Variants in DDX10 observed in about 807,000 individuals in gnomAD.
DDX10 encodes probable ATP-dependent RNA helicase DDX10.
A neutral mutation model predicts 104.3 loss-of-function variants in DDX10; 74 were observed. The observed-to-expected ratio is 0.71, with a 90% CI of 0.59 to 0.86. The LOEUF (loss-of-function observed/expected upper bound fraction) is 0.86. Among genes scored for constraint, DDX10 ranks in the 40% least tolerant of loss-of-function variants. The pLI is 0.00. For missense variants in DDX10, 952 were observed against 1,040.0 expected (o/e 0.92, Z 1.16); for synonymous variants, 351 against 353.4 (o/e 0.99, Z 0.08).
intron 13 of DDX10, among the ~76,000 whole-genome samples, chr11:108,745,041 TCCC>T: frequency 8.0e-5 from 2 of 25,156 alleles, no homozygotes; most frequent in Admixed American, 1.0e-3. Context: ...ACTTTTTCCT[TCCC>T]CCTTCCCCCT....
chr11:108,922,243 C>CAAAAAAAAAAAAAAAAAAAAA (rs3030537), intron 17 of DDX10: 17 of 79,324 alleles, frequency 2.1e-4, no homozygotes, highest in East Asian at 3.3e-4. Flanking sequence ...GACTCCATCT[C>CAAAAAAAAAAAAAAAAAAAAA]AAAAAAAAAA....
chr11:108,917,267 G>A (rs948585380), intron 16 of DDX10, among the ~76,000 whole-genome samples: 3 of 151,496 alleles, frequency 2.0e-5, no homozygotes, highest in African/African-American at 7.3e-5. Context: ...ACACTTTTGT[G>A]GTCATAAAAT....
At chr11:108,751,910 G>T (rs1007682166) in intron 13 of DDX10, among the ~76,000 whole-genome samples, 10 of 151,896 alleles carry the variant, frequency 6.6e-5, no homozygotes, top group Non-Finnish European at 1.5e-4. Context: ...CTTTAAAGAG[G>T]TTAAGAAACC....
intron 16 of DDX10, among the ~76,000 whole-genome samples, chr11:108,887,288 T>G (rs933475997): frequency 6.7e-6 from 1 of 150,290 alleles, no homozygotes; most frequent in African/African-American, 2.5e-5. Context: ...AGAATAGAGA[T>G]AATTAATTGA....
intron 7 of DDX10, chr11:108,690,711 A>G (rs1467659795): frequency 1.1e-5 from 2 of 186,868 alleles, no homozygotes; most frequent in East Asian, 3.3e-4. Flanking sequence ...TTCTTGAGAG[A>G]TGCCCCCAGG....
At chr11:108,847,999 C>A (rs915014057) in intron 15 of DDX10, among the ~76,000 whole-genome samples, 3 of 152,064 alleles carry the variant, frequency 2.0e-5, no homozygotes, top group African/African-American at 7.2e-5. Flanking sequence ...CTATTTCAAG[C>A]CATCAGACGT....
chr11:108,775,973 A>G (rs1387334441), intron 13 of DDX10, among the ~76,000 whole-genome samples: 1 of 152,192 alleles, frequency 6.6e-6, no homozygotes, highest in African/African-American at 2.4e-5. Flanking sequence ...TGTTGGACGT[A>G]TCAGTAGGTA....
chr11:108,770,836 T>A lies in DDX10; in HGVS notation c.1965+47374T>A, dbSNP rs544844533. On this transcript the variant is annotated intron_variant, in intron 13 of 17. Coordinates refer to ENST00000322536, the MANE Select transcript of DDX10 (RefSeq NM_004398.4). ...ATTGGGAGTGCAGATGTCTCTGATA[T>A]ATTTCCTTTCCTTGGGGTATATACC... 1.1e-4 allele frequency among the ~76,000 whole-genome samples: 16 copies of A among 152,222 alleles called. No individual in the cohort carries two copies. The South Asian group carries it at 2.5e-3, about 24-fold the overall frequency.
chr11:108,869,878 C>A (rs1445073224), intron 16 of DDX10, among the ~76,000 whole-genome samples: 1 of 151,996 alleles, frequency 6.6e-6, no homozygotes, highest in Non-Finnish European at 1.5e-5. Flanking sequence ...AGGAGAAACC[C>A]TAGAGATAGC....
chr11:108,826,842 G>GA lies in DDX10; in HGVS notation c.1966-11600dup, dbSNP rs1862402518. ...TTTCAGCTGCCATGCTCTGCTCTCT[G>GA]AAAATCTTTCTTAATGGGTCATGGA... On this transcript the variant is annotated intron_variant, in intron 13 of 17. Coordinates refer to ENST00000322536, the MANE Select transcript of DDX10 (RefSeq NM_004398.4). Among the ~76,000 whole-genome samples, 13 of 152,244 alleles carry GA rather than the reference G, an allele frequency of 8.5e-5. No individual in the cohort carries two copies. The South Asian group carries it at 2.7e-3, about 32-fold the overall frequency.
intron 15 of DDX10, among the ~76,000 whole-genome samples, chr11:108,845,104 A>G (rs1383040849): frequency 6.6e-6 from 1 of 152,084 alleles, no homozygotes; most frequent in Non-Finnish European, 1.5e-5. Context: ...GCTACTCCGG[A>G]GGCTGAGGCA....
intron 13 of DDX10, among the ~76,000 whole-genome samples, chr11:108,752,729 A>G (rs1480462871): frequency 6.6e-6 from 1 of 152,172 alleles, no homozygotes; most frequent in Non-Finnish European, 1.5e-5. Context: ...TTCATATTAC[A>G]TATACTTTGA....
chr11:108,764,540 A>C (rs2094354224), intron 13 of DDX10, among the ~76,000 whole-genome samples: 1 of 152,070 alleles, frequency 6.6e-6, no homozygotes, highest in Non-Finnish European at 1.5e-5. Flanking sequence ...ATGGTGGCGG[A>C]TGCCTGTGAT....
intron 13 of DDX10, among the ~76,000 whole-genome samples, chr11:108,770,260 C>T (rs2094361276): frequency 6.6e-6 from 1 of 151,952 alleles, no homozygotes; most frequent in South Asian, 2.1e-4. Context: ...GCTATCTAGC[C>T]CCTGAAGCAT....
At chr11:108,911,992 G>A (rs144758808) in intron 16 of DDX10, among the ~76,000 whole-genome samples, 267 of 152,162 alleles carry the variant, frequency 1.8e-3, no homozygotes, top group African/African-American at 5.9e-3. Context: ...TGATGTGTAC[G>A]ACTAAGCTTC....
At chr11:108,865,500 G>A (rs1314691671) in intron 16 of DDX10, among the ~76,000 whole-genome samples, 1 of 152,162 alleles carries the variant, frequency 6.6e-6, no homozygotes, top group Non-Finnish European at 1.5e-5. Flanking sequence ...AACCATTTCG[G>A]TAGAAAGGAT....
rs754855001 is a variant in DDX10, at chr11:108,809,397, G to C, written c.1966-29049G>C. On this transcript the variant is annotated intron_variant, in intron 13 of 17. Transcript: ENST00000322536. The stretch of plus-strand genomic sequence containing the variant: ...GTGTTGGTTGACTTTTTGAGCATAC[G>C]TATCCTTACAGTGAAAACAGGAAAC... Among the ~76,000 whole-genome samples the C allele has an allele frequency of 2.6e-5, 4 of 152,176 alleles. No homozygotes were observed. In the South Asian group the frequency reaches 8.3e-4, roughly 31 times the overall value.
At chr11:108,788,003 T>A (rs1861818822) in intron 13 of DDX10, among the ~76,000 whole-genome samples, 1 of 152,212 alleles carries the variant, frequency 6.6e-6, no homozygotes, top group Admixed American at 6.5e-5. Flanking sequence ...TCAGTTTGGT[T>A]CTTAAAATGG....
chr11:108,872,045 A>G (rs1863089570), intron 16 of DDX10, among the ~76,000 whole-genome samples: 1 of 152,210 alleles, frequency 6.6e-6, no homozygotes, highest in Non-Finnish European at 1.5e-5. Flanking sequence ...GCTAGTAGCA[A>G]TTTACAAAAA....
Sources: allele counts gnomAD v4.1 joint callset (sites outside exome capture counted in the v4.1 genomes callset), GRCh38; gene constraint gnomAD v4.1.1; transcripts MANE v1.5; gene names NCBI Gene and HGNC (gene_info 2026-07-23, HGNC 2026-07-21).